Variants in ESR2 observed in about 807,000 individuals in gnomAD.
The protein encoded by ESR2 is estrogen receptor beta.
A neutral mutation model predicts 49.6 loss-of-function variants in ESR2; 36 were observed. The observed-to-expected ratio is 0.73, with a 90% confidence interval of 0.56 to 0.96. ESR2 has a LOEUF of 0.96. Ranked by LOEUF, ESR2 falls within the 40% of genes least tolerant of loss-of-function variation. The pLI, the probability that ESR2 is intolerant of heterozygous loss-of-function variation, is 0.00. For missense variants in ESR2, 714 were observed against 693.0 expected, an observed-to-expected ratio of 1.03 and a Z score of -0.34; for synonymous variants, 320 against 266.1, an observed-to-expected ratio of 1.20 and a Z score of -1.97.
chr14:64,310,286 A>AAAAAAAAAAAAAAAAAAAT (rs1555595498), intron 1 of ESR2, among the ~76,000 whole-genome samples: 5 of 142,458 alleles, frequency 3.5e-5, no homozygotes, highest in African/African-American at 1.3e-4. Flanking sequence ...TCGTCTCAAA[A>AAAAAAAAAAAAAAAAAAAT]AATAATAATA....
At chr14:64,261,051 T>C (rs549393500) in intron 4 of ESR2, among the ~76,000 whole-genome samples, 2 of 152,242 alleles carry the variant, frequency 1.3e-5, no homozygotes, top group East Asian at 1.9e-4. Context: ...TCAAATAATA[T>C]ACTTTTATTA....
At chr14:64,292,200 T>C (rs1365397353) in intron 1 of ESR2, among the ~76,000 whole-genome samples, 1 of 151,682 alleles carries the variant, frequency 6.6e-6, no homozygotes, top group Admixed American at 6.6e-5. Flanking sequence ...ACTCATCCTA[T>C]AAAAAGGGAA....
At position 64,232,744 on chromosome 14, in the gene ESR2, G is replaced by A; in HGVS notation, c.*393C>T. 5.6e-6 allele frequency: 1 copy of A among 177,858 alleles called. No individual in the cohort carries two copies. Among genetic ancestry groups the A allele is most frequent in the Non-Finnish European group, 1.2e-5 (1 of 83,218 alleles). The allele number at this position is 177,858 out of a possible 1,614,324, so 11.0% of individuals were successfully genotyped here. On this transcript the variant is annotated 3_prime_UTR_variant, in exon 9 of 9. Transcript: ENST00000341099. ...AGTGTGTGCCACACAAGAAGGGTTA[G>A]CCCACTTCTGTAAGCGTGTCACTTC...
At chr14:64,330,500 G>C (rs1288673774) in intron 1 of ESR2, 2 of 152,136 alleles carry the variant, frequency 1.3e-5, no homozygotes, top group African/African-American at 2.4e-5. Flanking sequence ...AAATTTGCAG[G>C]GTGGGCCAAT....
chr14:64,249,433 C>T (rs2075940713), intron 7 of ESR2, 113 bp downstream of exon 7: 1 of 1,280,656 alleles, frequency 7.8e-7, no homozygotes, highest in Non-Finnish European at 1.1e-6. Flanking sequence ...CAAAAGGAAA[C>T]CATTTTACCC....
chr14:64,331,989 C>A (rs2077466038), intron 1 of ESR2, among the ~76,000 whole-genome samples: 1 of 152,106 alleles, frequency 6.6e-6, no homozygotes, highest in Non-Finnish European at 1.5e-5. Flanking sequence ...GTCCCTAGAG[C>A]CTCACTCTGT....
intron 1 of ESR2, among the ~76,000 whole-genome samples, chr14:64,328,993 T>C (rs2077422148): frequency 6.6e-6 from 1 of 152,118 alleles, no homozygotes; most frequent in African/African-American, 2.4e-5. Context: ...TTGTAGATAT[T>C]TTAAAATATT....
rs752711685 is a variant in ESR2 at position 64,253,560 on chromosome 14, T to TTGTGTGTGTGTGTGTGTG, written c.1091+3648_1091+3665dup. The stretch of plus-strand genomic sequence containing the variant: ...TGGGCCTCCCTTAGGGGTACACTAT[T>TTGTGTGTGTGTGTGTGTG]TGTGTGTGTGTGTGTGTGTGTGTGT... On this transcript the variant is annotated intron_variant, in intron 6 of 8. Transcript: ENST00000341099. Among the ~76,000 whole-genome samples, 13 of 136,580 alleles carry TTGTGTGTGTGTGTGTGTG rather than the reference T, an allele frequency of 9.5e-5. No homozygotes were observed. In the South Asian group the frequency reaches 1.0e-3, roughly 11 times the overall value. The allele number at this position is 136,580 out of a possible 152,430, so 89.6% of individuals were successfully genotyped here. A position where few individuals can be genotyped will look rare whatever the true frequency, so the allele number is the denominator to read the frequency against.
chr14:64,305,092 C>T (rs895000082), intron 1 of ESR2, among the ~76,000 whole-genome samples: 2 of 151,444 alleles, frequency 1.3e-5, no homozygotes, highest in Admixed American at 6.6e-5. Context: ...AGATCGAGAC[C>T]AACCTGGCTA....
intron 7 of ESR2, among the ~76,000 whole-genome samples, chr14:64,236,787 C>T (rs1387096464): frequency 6.6e-6 from 1 of 152,050 alleles, no homozygotes; most frequent in African/African-American, 2.4e-5. Flanking sequence ...ACCATCCCAC[C>T]CTAAGTCTGG....
chr14:64,270,637 A>T lies in ESR2; in HGVS notation c.536-1726T>A, dbSNP rs2026086. ...GTGATACTCCTGCCTCAGCCTCCCA[A>T]ATAGCTGGGATTCAGGCACCCACCA... On this transcript the variant is annotated intron_variant, in intron 3 of 8. Coordinates refer to ENST00000341099, the MANE Select transcript of ESR2 (RefSeq NM_001437.3). 3.5e-3 allele frequency among the ~76,000 whole-genome samples: 537 copies of T among 152,028 alleles called. 1 individual carries two copies. Among genetic ancestry groups the T allele is most frequent in the African/African-American group, 0.012 (504 of 41,460 alleles).
chr14:64,286,016 TG>T (rs2076779742), intron 1 of ESR2, among the ~76,000 whole-genome samples: 1 of 152,156 alleles, frequency 6.6e-6, no homozygotes, highest in Admixed American at 6.5e-5. Context: ...TGGGGGGTGC[TG>T]CAGTAGGCAT....
chr14:64,315,893 T>G (rs1596487322), intron 1 of ESR2, among the ~76,000 whole-genome samples: 1 of 152,202 alleles, frequency 6.6e-6, no homozygotes, highest in South Asian at 2.1e-4. Context: ...GACCTCGTGA[T>G]CCACCCGCCT....
At chr14:64,314,896 A>G (rs926294055) in intron 1 of ESR2, among the ~76,000 whole-genome samples, 2 of 148,586 alleles carry the variant, frequency 1.3e-5, no homozygotes. Context: ...AAAAAAAAAA[A>G]AAAAAAGAAA....
At chr14:64,271,413 C>A (rs1408639959) in intron 3 of ESR2, among the ~76,000 whole-genome samples, 7 of 152,206 alleles carry the variant, frequency 4.6e-5, no homozygotes, top group Non-Finnish European at 8.8e-5. Context: ...GCAACCTCCA[C>A]CTCCCGGGTT....
At chr14:64,241,580 G>C (rs1340076217) in intron 7 of ESR2, among the ~76,000 whole-genome samples, 1 of 152,132 alleles carries the variant, frequency 6.6e-6, no homozygotes, top group Admixed American at 6.5e-5. Context: ...CATTTATTCA[G>C]GATTTCTTTA....
chr14:64,249,681 T>TAC lies in ESR2; in HGVS notation c.1092-4_1092-3dup. The stretch of plus-strand genomic sequence containing the variant: ...CCTTCTACGCATTTCCCCTCATCCC[T>TAC]ACAAAAGTTCGTTTGGAAATTTAAG... On this transcript the variant is annotated splice_region_variant and splice_polypyrimidine_tract_variant and intron_variant, in intron 6 of 8. Transcript: ENST00000341099. 6.2e-7 allele frequency: 1 copy of TAC among 1,603,572 alleles called. No homozygotes were observed.
At chr14:64,327,808 G>C (rs892613050) in intron 1 of ESR2, among the ~76,000 whole-genome samples, 2 of 152,040 alleles carry the variant, frequency 1.3e-5, no homozygotes, top group African/African-American at 2.4e-5. Context: ...GGCAGAGGTT[G>C]CAGTGAGCTG....
chr14:64,261,949 T>C lies in ESR2; in HGVS notation c.653-1201A>G, dbSNP rs79912871. On this transcript the variant is annotated intron_variant, in intron 4 of 8. Transcript: ENST00000341099. ...AAATTTTTTTGTAGAACTAGGGTCT[T>C]ACTATGTTACCCAGTCCTCAATAGT... Among the ~76,000 whole-genome samples, 206 of 152,052 alleles carry C rather than the reference T, an allele frequency of 1.4e-3. 1 individual carries two copies. Among genetic ancestry groups the C allele is most frequent in the Non-Finnish European group, 2.2e-3 (151 of 67,974 alleles).
Sources: gnomAD v4.1 joint callset for allele counts (sites outside exome capture counted in the v4.1 genomes callset) on GRCh38, gnomAD v4.1.1 for gene constraint, MANE v1.5 for transcripts, NCBI Gene and HGNC (gene_info 2026-07-23, HGNC 2026-07-21) for gene names.